CHRM3: variants seen among roughly 807,000 people sequenced by gnomAD.
CHRM3 encodes the protein muscarinic acetylcholine receptor M3.
CHRM3 carries 11 observed loss-of-function variants against 41.8 expected under a neutral mutation model. The observed-to-expected ratio is 0.26, with a 90% CI of 0.17 to 0.44. CHRM3 has a LOEUF of 0.44. Ranked by LOEUF, CHRM3 falls within the 20% of genes least tolerant of loss-of-function variation. The probability of loss-of-function intolerance (pLI) is 1.00; values close to 1 mark genes in which losing one functional copy is unlikely to be tolerated. For synonymous variants in CHRM3, 297 were observed against 301.4 expected, an observed-to-expected ratio of 0.99 and a Z score of 0.15; for missense variants, 571 against 745.4, an observed-to-expected ratio of 0.77 and a Z score of 2.72.
chr1:239,560,544 C>G (rs1476876520), intron 3 of CHRM3, among the ~76,000 whole-genome samples: 2 of 152,122 alleles, frequency 1.3e-5, no homozygotes, highest in Non-Finnish European at 2.9e-5. Context: ...TTACATTTCT[C>G]TAAGTATTAT....
chr1:239,690,941 ATGT>A (rs1659655926), intron 5 of CHRM3, among the ~76,000 whole-genome samples: 1 of 152,024 alleles, frequency 6.6e-6, no homozygotes, highest in Non-Finnish European at 1.5e-5. Context: ...GGTTGAAGTG[ATGT>A]TGATGTTTGG....
intron 5 of CHRM3, among the ~76,000 whole-genome samples, chr1:239,721,086 A>G (rs746170623): frequency 2.6e-5 from 4 of 151,912 alleles, no homozygotes; most frequent in Non-Finnish European, 5.9e-5. Context: ...GGAGTGCTCA[A>G]TTGAAGGAAT....
At chr1:239,436,304 A>G (rs1461680592) in intron 1 of CHRM3, among the ~76,000 whole-genome samples, 1 of 152,116 alleles carries the variant, frequency 6.6e-6, no homozygotes, top group Non-Finnish European at 1.5e-5. Context: ...GAGGGATGCA[A>G]GCGATTTGGA....
intron 6 of CHRM3, among the ~76,000 whole-genome samples, chr1:239,878,123 C>T (rs887143108): frequency 2.0e-5 from 3 of 151,832 alleles, no homozygotes; most frequent in Non-Finnish European, 4.4e-5. Flanking sequence ...ATCTCCTGAC[C>T]TTGTAATCCA....
chr1:239,482,744 C>T (rs918245552), intron 1 of CHRM3, among the ~76,000 whole-genome samples: 2 of 152,132 alleles, frequency 1.3e-5, no homozygotes, highest in Non-Finnish European at 2.9e-5. Flanking sequence ...TGTATCATAT[C>T]TTTCATATTT....
chr1:239,489,471 C>T (rs1221148249), intron 1 of CHRM3, among the ~76,000 whole-genome samples: 1 of 152,054 alleles, frequency 6.6e-6, no homozygotes, highest in East Asian at 1.9e-4. Flanking sequence ...CTTGGTATCA[C>T]TTACAGAGCT....
At chr1:239,639,309 T>C (rs887006976) in intron 4 of CHRM3, among the ~76,000 whole-genome samples, 1 of 152,212 alleles carries the variant, frequency 6.6e-6, no homozygotes, top group African/African-American at 2.4e-5. Flanking sequence ...AGAAAGTCAT[T>C]GGTAGCTTGA....
intron 1 of CHRM3, among the ~76,000 whole-genome samples, 173 bp from the exon 2 acceptor site, chr1:239,492,536 T>C (rs1257491172): frequency 6.6e-6 from 1 of 152,146 alleles, no homozygotes; most frequent in Non-Finnish European, 1.5e-5. Context: ...GGAAAATGTT[T>C]TTTCCCTATT....
At chr1:239,856,209 G>A (rs748768104) in intron 6 of CHRM3, among the ~76,000 whole-genome samples, 6 of 152,050 alleles carry the variant, frequency 3.9e-5, no homozygotes, top group Non-Finnish European at 4.4e-5. Context: ...AACCCAACTC[G>A]CTCATAGCTG....
intron 5 of CHRM3, among the ~76,000 whole-genome samples, chr1:239,801,283 A>G (rs925779447): frequency 2.6e-5 from 4 of 152,170 alleles, no homozygotes; most frequent in African/African-American, 9.7e-5. Flanking sequence ...TCTGACATTA[A>G]AGTCCCTGCC....
intron 6 of CHRM3, among the ~76,000 whole-genome samples, chr1:239,874,293 A>ATATATATATATATATATACACAG (rs1676876337): frequency 1.5e-5 from 1 of 67,078 alleles, no homozygotes; most frequent in East Asian, 4.0e-4. Flanking sequence ...CAGTATATAT[A>ATATATATATATATATATACACAG]TATATATATA....
intron 5 of CHRM3, among the ~76,000 whole-genome samples, chr1:239,767,347 A>AT (rs35148164): frequency 2.0e-5 from 3 of 152,216 alleles, no homozygotes; most frequent in Middle Eastern, 3.4e-3. Flanking sequence ...TGAGTCCTCC[A>AT]TTTTTTTGCT....
intron 6 of CHRM3, among the ~76,000 whole-genome samples, chr1:239,829,936 TA>T (rs1216978446): frequency 6.6e-6 from 1 of 152,180 alleles, no homozygotes; most frequent in African/African-American, 2.4e-5. Flanking sequence ...TTTTTGTCTC[TA>T]CTCAAATACT....
intron 1 of CHRM3, among the ~76,000 whole-genome samples, chr1:239,473,268 A>G (rs977173112): frequency 2.0e-5 from 3 of 151,546 alleles, no homozygotes; most frequent in Non-Finnish European, 4.4e-5. Context: ...TATTTGAAAA[A>G]AAAAAAAAAA....
At chr1:239,839,878 A>G (rs1014650318) in intron 6 of CHRM3, among the ~76,000 whole-genome samples, 3 of 152,174 alleles carry the variant, frequency 2.0e-5, no homozygotes, top group Non-Finnish European at 2.9e-5. Flanking sequence ...AAAGAAAGGA[A>G]GAAAGGAAGG....
At chr1:239,637,517 C>CTT (rs149963225) in intron 4 of CHRM3, among the ~76,000 whole-genome samples, 132 of 48,482 alleles carry the variant, frequency 2.7e-3, no homozygotes, top group South Asian at 4.4e-3. Context: ...TCATCAAAGT[C>CTT]TTTTTTTTTT....
intron 2 of CHRM3, among the ~76,000 whole-genome samples, chr1:239,527,027 G>A (rs532874765): frequency 1.3e-5 from 2 of 152,262 alleles, no homozygotes; most frequent in African/African-American, 4.8e-5. Context: ...GGAGGCTGAG[G>A]TGGGAGGATT....
At chr1:239,867,685 C>CAAA (rs36006087) in intron 6 of CHRM3, among the ~76,000 whole-genome samples, 5 of 134,818 alleles carry the variant, frequency 3.7e-5, no homozygotes, top group East Asian at 2.1e-4. Context: ...GACTCTGTCT[C>CAAA]AAAAAAAAAA....
chr1:239,849,340 C>G (rs1162250713), intron 6 of CHRM3, among the ~76,000 whole-genome samples: 1 of 152,224 alleles, frequency 6.6e-6, no homozygotes, highest in Non-Finnish European at 1.5e-5. Flanking sequence ...GAGATAAGAC[C>G]AACAGCCACA....
Sources: allele counts gnomAD v4.1 joint callset (sites outside exome capture counted in the v4.1 genomes callset), GRCh38; gene constraint gnomAD v4.1.1; transcripts MANE v1.5; gene names NCBI Gene and HGNC (gene_info 2026-07-23, HGNC 2026-07-21).